The following MAP4 variants were observed in gnomAD, a reference collection of about 807,000 sequenced individuals.
The protein encoded by MAP4 is microtubule-associated protein 4.
Under a neutral mutation model 170.2 loss-of-function variants are expected in MAP4, and 76 were observed. The ratio of observed to expected loss-of-function variants is 0.45; its 90% confidence interval spans 0.37 to 0.54. The LOEUF is 0.54. MAP4 is among the 20% of genes least tolerant of loss of function. The pLI is 0.00. For missense variants in MAP4, 2,506 were observed against 2,748.0 expected, an observed-to-expected ratio of 0.91 and a Z score of 1.97; for synonymous variants, 909 against 994.5, an observed-to-expected ratio of 0.91 and a Z score of 1.62.
intron 2 of MAP4, among the ~76,000 whole-genome samples, chr3:47,989,045 C>T (rs551046915): frequency 6.6e-6 from 1 of 152,126 alleles, no homozygotes; most frequent in African/African-American, 2.4e-5. Flanking sequence ...CTCCTGACTT[C>T]GTGATCTGCC....
rs190240664 is a variant in MAP4 at position 47,875,979 on chromosome 3, A to T, written c.5542-79T>A. 3,216 of 1,080,954 alleles carry T rather than the reference A, an allele frequency of 3.0e-3. 38 individuals carry two copies. The highest frequency in any genetic ancestry group is 2.2e-3 in the Non-Finnish European group (1,582 of 728,670). The allele number at this position is 1,080,954 out of a possible 1,614,324, so 67.0% of individuals were successfully genotyped here. The stretch of plus-strand genomic sequence containing the variant: ...AAACAGACAAGAATAAAAACAAATT[A>T]AAAAAAGTATAAATTGCACAATTCA... On this transcript the variant is annotated intron_variant, in intron 11 of 20. Coordinates refer to ENST00000683076, the MANE Select transcript of MAP4 (RefSeq NM_001385682.1).
chr3:47,978,025 C>T (rs889823635), intron 2 of MAP4, 92 bp from the exon 3 acceptor site: 2 of 828,920 alleles, frequency 2.4e-6, no homozygotes, highest in African/African-American at 3.4e-5. Context: ...TTTTCTCACT[C>T]TTTGTAGCAT....
At chr3:48,030,503 G>A (rs912797566) in intron 1 of MAP4, among the ~76,000 whole-genome samples, 4 of 150,114 alleles carry the variant, frequency 2.7e-5, no homozygotes, top group Non-Finnish European at 4.4e-5. Flanking sequence ...AAAAAACAAC[G>A]ATAGGGGTAA....
At chr3:48,088,085 C>T (rs565989452) in intron 1 of MAP4, among the ~76,000 whole-genome samples, 8 of 152,202 alleles carry the variant, frequency 5.3e-5, no homozygotes, top group Admixed American at 1.3e-4. Flanking sequence ...ATCTAACTCA[C>T]ACCGGCGGAG....
intron 3 of MAP4, among the ~76,000 whole-genome samples, chr3:47,969,373 T>C (rs1001345146): frequency 2.2e-4 from 33 of 146,792 alleles, no homozygotes; most frequent in African/African-American, 8.4e-4. Flanking sequence ...GCCATTGCAC[T>C]CCAGCCTGGG....
intron 1 of MAP4, among the ~76,000 whole-genome samples, chr3:48,085,312 G>C (rs1015791530): frequency 1.3e-5 from 2 of 151,882 alleles, no homozygotes. Flanking sequence ...GACACTATGA[G>C]ATTAGGAAGA....
At chr3:47,941,226 A>G (rs1406183732) in intron 3 of MAP4, among the ~76,000 whole-genome samples, 6 of 147,302 alleles carry the variant, frequency 4.1e-5, no homozygotes, top group African/African-American at 1.2e-4. Context: ...CTACCAAAAA[A>G]AAAAAAAAAA....
chr3:47,851,400 T>C lies in MAP4; in HGVS notation c.*1534A>G, dbSNP rs1007522841. ...AAATCTAAACTTAGGTCAAGACCCC[T>C]ACCTTCTCCAGGGATGCCAGGACCA... On this transcript the variant is annotated 3_prime_UTR_variant, in exon 21 of 21. Coordinates refer to ENST00000683076, the MANE Select transcript of MAP4 (RefSeq NM_001385682.1). The C allele has an allele frequency of 6.6e-6, 1 of 152,158 alleles. No individual in the cohort carries two copies. The allele number at this position is 152,158 out of a possible 1,614,324, so 9.4% of individuals were successfully genotyped here. A position where few individuals can be genotyped will look rare whatever the true frequency, so the allele number is the denominator to read the frequency against.
Position 47,998,676 on chromosome 3 carries a change from G to A in MAP4, c.185C>T (p.Ser62Leu). 6.2e-7 allele frequency: 1 copy of A among 1,614,078 alleles called. No homozygotes were observed. Among genetic ancestry groups the A allele is most frequent in the Non-Finnish European group, 8.5e-7 (1 of 1,180,002 alleles). Residue 62 changes from serine to leucine, a missense_variant, in exon 2 of 21, where the codon TCA becomes TTA. By Grantham distance (145) the Ser-to-Leu change is moderately radical. Coordinates refer to ENST00000683076, the MANE Select transcript of MAP4 (RefSeq NM_001385682.1). ...DVDEKTGNSE[S>L]KKKPCSETSQ... ...AGTTTCTGAGCACGGTTTCTTCTTTGACTCTGAGTTCCCGGTTTTCTCATC... is the reference window on the plus strand; with the variant it reads ...AGTTTCTGAGCACGGTTTCTTCTTTAACTCTGAGTTCCCGGTTTTCTCATC...
In MAP4 at chr3:47,911,367, CT is replaced by C. The variant is rs1275573360; in HGVS notation, c.3053del (p.Lys1018ArgfsTer30). The part of the protein sequence containing the change: ...EGAEEDKELK[K>X]EAFPNERQEI... Reference sequence around the variant, plus strand: ...CTTGTCTTTCGTTGGGAAAAGCTTCCTTTTTTAGTTCTTTATCCTCTTCAGC... The same window carrying C: ...CTTGTCTTTCGTTGGGAAAAGCTTCCTTTTTAGTTCTTTATCCTCTTCAGC... On this transcript the variant is annotated frameshift_variant, in exon 9 of 21. Coordinates refer to ENST00000683076, the MANE Select transcript of MAP4 (RefSeq NM_001385682.1). LOFTEE classifies it high-confidence loss of function. This position sits in a 1 kb window ranked among gnomAD's most constrained non-coding sequence, Gnocchi z 4.0. The C allele has an allele frequency of 2.0e-6, 3 of 1,535,842 alleles. No homozygotes were observed. In the Admixed American group the frequency reaches 5.9e-5, roughly 30 times the overall value.
intron 4 of MAP4, among the ~76,000 whole-genome samples, chr3:47,926,657 C>G (rs974241119): frequency 6.6e-6 from 1 of 152,160 alleles, no homozygotes; most frequent in Non-Finnish European, 1.5e-5. Flanking sequence ...ACCCCAGCCT[C>G]CCGAGTAGCT....
chr3:47,936,138 A>G (rs1387642682), intron 3 of MAP4, among the ~76,000 whole-genome samples: 1 of 150,960 alleles, frequency 6.6e-6, no homozygotes, highest in African/African-American at 2.4e-5. Context: ...AAGAAGGAGA[A>G]GAAGGAGAGA....
At chr3:47,942,696 G>A (rs141607756) in intron 3 of MAP4, among the ~76,000 whole-genome samples, 139 of 152,262 alleles carry the variant, frequency 9.1e-4, no homozygotes, top group African/African-American at 3.2e-3. Context: ...AGGAAAATAC[G>A]TGTATATTCA....
intron 3 of MAP4, chr3:47,975,048 T>A: frequency 9.7e-7 from 1 of 1,032,044 alleles, no homozygotes; most frequent in Non-Finnish European, 1.2e-6. Context: ...GTTACACTAT[T>A]CTGATTCATG....
At chr3:47,935,939 C>CA (rs74405606) in intron 3 of MAP4, among the ~76,000 whole-genome samples, 1,512 of 58,980 alleles carry the variant, frequency 0.026, 17 homozygotes, top group African/African-American at 0.042. Context: ...ACTTAGTCTC[C>CA]AAAAAAAAAA....
chr3:47,967,544 C>T (rs572544816), intron 3 of MAP4, among the ~76,000 whole-genome samples: 19 of 152,166 alleles, frequency 1.2e-4, no homozygotes, highest in Non-Finnish European at 1.9e-4. Flanking sequence ...CTCGGCTACT[C>T]GGCAGGGTGA....
chr3:47,949,487 AAAG>A, intron 3 of MAP4, among the ~76,000 whole-genome samples: 1 of 151,410 alleles, frequency 6.6e-6, no homozygotes, highest in Non-Finnish European at 1.5e-5. Context: ...AAAAAAAAAA[AAAG>A]AATCACCACC....
At chr3:47,974,482 T>G in intron 3 of MAP4, 3 of 984,516 alleles carry the variant, frequency 3.0e-6, no homozygotes, top group Non-Finnish European at 3.6e-6. Flanking sequence ...CAATTATTTC[T>G]TTTAAGCTGA....
At chr3:47,930,927 T>TAA (rs766820917) in intron 3 of MAP4, among the ~76,000 whole-genome samples, 20 of 99,988 alleles carry the variant, frequency 2.0e-4, no homozygotes, top group Admixed American at 3.3e-4. Flanking sequence ...AGACTCTGTC[T>TAA]AAAAAAAAAA....
Sources: gnomAD v4.1 joint callset for allele counts (sites outside exome capture counted in the v4.1 genomes callset) on GRCh38, gnomAD v4.1.1 for gene constraint, Gnocchi (gnomAD v3.1) non-coding constraint, MANE v1.5 for transcripts, NCBI Gene and HGNC (gene_info 2026-07-23, HGNC 2026-07-21) for gene names.